ZNF207: variants seen among roughly 807,000 people sequenced by gnomAD.
The protein encoded by ZNF207 is zinc finger protein 207, also known as BUB3-interacting and GLEBS motif-containing protein ZNF207.
ZNF207 carries 24 observed loss-of-function variants against 60.2 expected under a neutral mutation model. The observed-to-expected ratio is 0.40, with a 90% CI of 0.29 to 0.56. The LOEUF (loss-of-function observed/expected upper bound fraction) is 0.56. Among genes scored for constraint, ZNF207 ranks in the 20% least tolerant of loss-of-function variants. The probability of loss-of-function intolerance (pLI) is 0.49; values close to 1 mark genes in which losing one functional copy is unlikely to be tolerated. For missense variants in ZNF207, 452 were observed against 636.6 expected (o/e 0.71, Z 3.12); for synonymous variants, 236 against 194.7 (o/e 1.21, Z -1.77).
At chr17:32,361,602 G>C (rs1904884558) in intron 6 of ZNF207, 87 bp downstream of exon 6, 1 of 1,263,644 alleles carries the variant, frequency 7.9e-7, no homozygotes, top group South Asian at 1.8e-5. Context: ...CTATTCAGTT[G>C]ACTTCAGAAA....
At chr17:32,366,198 TTTC>T (rs956774372) in intron 8 of ZNF207, among the ~76,000 whole-genome samples, 1 of 152,224 alleles carries the variant, frequency 6.6e-6, no homozygotes, top group African/African-American at 2.4e-5. Flanking sequence ...AAATTGCTTT[TTTC>T]TGTTTGTGGG....
Position 32,373,731 on chromosome 17 carries a change from A to T in ZNF207, c.*3972A>T, listed in dbSNP as rs1342823373. 3.6e-6 allele frequency: 1 copy of T among 280,804 alleles called. No individual in the cohort carries two copies. The highest frequency in any genetic ancestry group is 2.2e-5 in the African/African-American group (1 of 45,914). The allele number at this position is 280,804 out of a possible 1,614,324, so 17.4% of individuals were successfully genotyped here. On this transcript the variant is annotated 3_prime_UTR_variant, in exon 12 of 12. Coordinates refer to ENST00000394670, the MANE Select transcript of ZNF207 (RefSeq NM_001098507.2). ...GCTTGTGTTCCTATATTGAACTTCA[A>T]TAAATTGACAAAATTTGATATTTTT...
intron 1 of ZNF207, 72 bp downstream of exon 1, chr17:32,350,398 G>A (rs1401424083): frequency 5.8e-5 from 92 of 1,596,604 alleles, no homozygotes; most frequent in Non-Finnish European, 7.2e-5. Flanking sequence ...TAGGAGGCCT[G>A]GATTTGGCTT....
At position 32,370,242 on chromosome 17, in the gene ZNF207, T is replaced by G. The variant is rs1198054096; in HGVS notation, c.*483T>G. The G allele has an allele frequency of 1.3e-5, 2 of 152,782 alleles. No homozygotes were observed. Among genetic ancestry groups the G allele is most frequent in the African/African-American group, 4.8e-5 (2 of 41,466 alleles). The allele number at this position is 152,782 out of a possible 1,614,324, so 9.5% of individuals were successfully genotyped here. A position where few individuals can be genotyped will look rare whatever the true frequency, so the allele number is the denominator to read the frequency against. ...GAATGTGTAACAATATTTAATGTAT[T>G]TAGAGTTCCTCATGTTGCAGGGTTT... On this transcript the variant is annotated 3_prime_UTR_variant, in exon 12 of 12. Coordinates refer to ENST00000394670, the MANE Select transcript of ZNF207 (RefSeq NM_001098507.2).
intron 2 of ZNF207, among the ~76,000 whole-genome samples, chr17:32,356,418 G>A (rs765267599): frequency 3.1e-4 from 47 of 152,196 alleles, no homozygotes; most frequent in Admixed American, 1.7e-3. Context: ...TTGTTAAGCC[G>A]CTTTATCCAT....
chr17:32,362,641 A>T (rs556441422), intron 6 of ZNF207: 30 of 313,546 alleles, frequency 9.6e-5, no homozygotes, highest in Admixed American at 8.8e-4. Context: ...CCTCTTGTAC[A>T]TATTGAGAGT....
chr17:32,365,404 C>A lies in ZNF207; in HGVS notation c.745C>A (p.Leu249Ile). The change falls in exon 8 of 12, where the codon CTT becomes ATT. Residue 249 changes from leucine to isoleucine, a missense_variant. By Grantham distance (5) the Leu-to-Ile change is conservative. Transcript: ENST00000394670. ...ACAGGCTGTTTCAGCGCCAGGTATT[C>A]TTAATAGACCACCTGCACCAACAGC... ...QAQAVSAPGI[L>I]NRPPAPTATV... 6.2e-7 allele frequency: 1 copy of A among 1,614,154 alleles called. No homozygotes were observed. Among genetic ancestry groups the A allele is most frequent in the South Asian group, 1.1e-5 (1 of 91,086 alleles).
rs1261670634 is a variant in ZNF207 at position 32,381,208 on chromosome 17, A to C, written c.*11449A>C. On this transcript the variant is annotated 3_prime_UTR_variant, in exon 12 of 12. Coordinates refer to ENST00000394670, the MANE Select transcript of ZNF207 (RefSeq NM_001098507.2). ...AGTAAAGGGACCTGTCTGTCAGGTC[A>C]ATCTTCGGTCTTCACTTTTACTGGC... The C allele has an allele frequency of 6.6e-6, 1 of 152,208 alleles. No homozygotes were observed. The highest frequency in any genetic ancestry group is 1.9e-4 in the East Asian group (1 of 5,182). The allele number at this position is 152,208 out of a possible 1,614,324, so 9.4% of individuals were successfully genotyped here.
At chr17:32,368,326 A>G in intron 10 of ZNF207, 2 of 325,726 alleles carry the variant, frequency 6.1e-6, no homozygotes, top group Non-Finnish European at 1.1e-5. Flanking sequence ...TTAATTGAAT[A>G]AACGTTAAGT....
intron 2 of ZNF207, among the ~76,000 whole-genome samples, chr17:32,353,710 G>C (rs1308875828): frequency 6.6e-6 from 1 of 151,074 alleles, no homozygotes; most frequent in African/African-American, 2.4e-5. Context: ...GCGCGAGGCG[G>C]GTGCTGAGAC....
chr17:32,375,946 A>G lies in ZNF207; in HGVS notation c.*6187A>G, dbSNP rs539448588. On this transcript the variant is annotated 3_prime_UTR_variant, in exon 12 of 12. Coordinates refer to ENST00000394670, the MANE Select transcript of ZNF207 (RefSeq NM_001098507.2). ...ATGACAGTAAAGTTTACTCCTTTTT[A>G]GAAACCCTTTCTCAGTATTTTAATT... 6.6e-6 allele frequency: 1 copy of G among 152,214 alleles called. No individual in the cohort carries two copies. The highest frequency in any genetic ancestry group is 6.5e-5 in the Admixed American group (1 of 15,300). The allele number at this position is 152,214 out of a possible 1,614,324, so 9.4% of individuals were successfully genotyped here.
chr17:32,361,507 T>C lies in ZNF207; in HGVS notation c.591T>C (p.Gly197=), dbSNP rs1445028828. 6.2e-7 allele frequency: 1 copy of C among 1,608,052 alleles called. No individual in the cohort carries two copies. Among genetic ancestry groups the C allele is most frequent in the Non-Finnish European group, 8.5e-7 (1 of 1,177,038 alleles). The change falls in exon 6 of 12, where the codon GGT becomes GGC. Residue 197 remains glycine (G), a synonymous_variant. Transcript: ENST00000394670. ...HQRKYTQSFC[G]ENIMMPMGGM... ...GAAAATACACCCAGTCATTTTGCGG[T>C]GAAAACATGTAAGCATCTCATTCAT...
intron 6 of ZNF207, 123 bp downstream of exon 6, chr17:32,361,638 T>C: frequency 1.1e-5 from 9 of 797,970 alleles, no homozygotes; most frequent in African/African-American, 1.8e-5. Context: ...CACTAAAACT[T>C]GCAAGCTAAT....
intron 3 of ZNF207, among the ~76,000 whole-genome samples, chr17:32,360,167 C>A (rs954177966): frequency 6.9e-6 from 1 of 143,950 alleles, no homozygotes; most frequent in East Asian, 2.0e-4. Context: ...AGTTCAAGAC[C>A]TCACCTTTAC....
At position 32,377,284 on chromosome 17, in the gene ZNF207, A is replaced by G. The variant is rs1905709603; in HGVS notation, c.*7525A>G. The G allele has an allele frequency of 6.6e-6, 1 of 151,958 alleles. No homozygotes were observed. Among genetic ancestry groups the G allele is most frequent in the South Asian group, 2.1e-4 (1 of 4,832 alleles). 9.4% of individuals were successfully genotyped at this position (151,958 alleles called of 1,614,324 possible). ...AAATTTTATTCATAAATAGTTTAGC[A>G]GTCACAGAGGTGAAAAAAAAAAGAT... is the stretch of plus-strand genomic sequence containing the variant. On this transcript the variant is annotated 3_prime_UTR_variant, in exon 12 of 12. Transcript: ENST00000394670.
intron 9 of ZNF207, among the ~76,000 whole-genome samples, chr17:32,367,281 ATAT>A (rs1899641199): frequency 1.9e-5 from 2 of 105,336 alleles, no homozygotes; most frequent in African/African-American, 5.0e-5. Flanking sequence ...ATATATATAT[ATAT>A]AAAGAATACT....
At chr17:32,352,557 T>C (rs188518285) in intron 2 of ZNF207, among the ~76,000 whole-genome samples, 65 of 152,342 alleles carry the variant, frequency 4.3e-4, no homozygotes, top group Non-Finnish European at 4.6e-4. Flanking sequence ...ATTTTGTAGG[T>C]GGTCTGGCCT....
chr17:32,358,435 G>A, intron 2 of ZNF207, 68 bp from the exon 3 acceptor site: 1 of 1,435,252 alleles, frequency 7.0e-7, no homozygotes, highest in African/African-American at 1.5e-5. Flanking sequence ...TTTATACTAA[G>A]CAGTCTTTGA....
At chr17:32,363,124 C>A in intron 7 of ZNF207, 140 bp downstream of exon 7, 1 of 605,684 alleles carries the variant, frequency 1.7e-6, no homozygotes, top group South Asian at 2.8e-5. Context: ...TATATGGACC[C>A]TTTTTTAAAA....
Sources: allele counts gnomAD v4.1 joint callset (sites outside exome capture counted in the v4.1 genomes callset), GRCh38; gene constraint gnomAD v4.1.1; transcripts MANE v1.5; gene names NCBI Gene and HGNC (gene_info 2026-07-23, HGNC 2026-07-21).